PRIM2: variants seen among roughly 807,000 people sequenced by gnomAD.
PRIM2 encodes DNA primase subunit 2.
PRIM2 carries 39 observed loss-of-function variants against 67.3 expected under a neutral mutation model. The observed-to-expected ratio is 0.58, with a 90% CI of 0.45 to 0.76. The LOEUF (loss-of-function observed/expected upper bound fraction) is 0.76, where lower values mean the gene tolerates loss of function less well. Among genes scored for constraint, PRIM2 ranks in the 30% least tolerant of loss-of-function variants. The pLI is 0.00. For missense variants in PRIM2, 398 were observed against 598.7 expected, an observed-to-expected ratio of 0.66 and a Z score of 3.50; for synonymous variants, 143 against 198.7, an observed-to-expected ratio of 0.72 and a Z score of 2.36.
intron 10 of PRIM2, among the ~76,000 whole-genome samples, chr6:57,541,144 T>C (rs1383010000): frequency 6.6e-6 from 1 of 152,238 alleles, no homozygotes. Context: ...CCAGCTAAGG[T>C]TGAGTGCCAT....
the PRIM2 span, among the ~76,000 whole-genome samples, chr6:57,274,092 G>A: frequency 6.6e-6 from 1 of 152,250 alleles, no homozygotes; most frequent in Non-Finnish European, 1.5e-5. Context: ...ACTTGAGGAG[G>A]CAGTCTGCCC....
intron 5 of PRIM2, among the ~76,000 whole-genome samples, chr6:57,331,595 GT>G (rs1350445873): frequency 1.3e-5 from 2 of 152,050 alleles, no homozygotes; most frequent in African/African-American, 4.8e-5. Context: ...ATCTATTTAA[GT>G]TTTATATTAC....
the PRIM2 span, chr6:57,221,895 G>A: frequency 6.6e-6 from 1 of 152,486 alleles, no homozygotes; most frequent in Admixed American, 6.5e-5. Flanking sequence ...CCACTCCGGA[G>A]AGTAAGGCAC....
intron 7 of PRIM2, among the ~76,000 whole-genome samples, chr6:57,398,728 T>C (rs1462821469): frequency 6.6e-6 from 1 of 152,210 alleles, no homozygotes; most frequent in Non-Finnish European, 1.5e-5. Flanking sequence ...ATGATTTGTC[T>C]AATACTGTTG....
intron 12 of PRIM2, among the ~76,000 whole-genome samples, chr6:57,610,251 A>G (rs1166345144): frequency 2.6e-5 from 4 of 152,046 alleles, no homozygotes; most frequent in African/African-American, 7.3e-5. Flanking sequence ...GTATTTTTGT[A>G]GAGATGGGGT....
chr6:57,418,202 G>A (rs5005223), intron 7 of PRIM2, among the ~76,000 whole-genome samples: 15 of 151,976 alleles, frequency 9.9e-5, no homozygotes, highest in Non-Finnish European at 1.6e-4. Flanking sequence ...GGAGAAAATA[G>A]GCAGAGGACC....
At chr6:57,430,457 T>G (rs1256952050) in intron 7 of PRIM2, among the ~76,000 whole-genome samples, 1 of 116,078 alleles carries the variant, frequency 8.6e-6, no homozygotes. Context: ...GTTTTTTTTT[T>G]TTTTTTTTTT....
At chr6:57,394,764 C>A (rs530674004) in intron 7 of PRIM2, among the ~76,000 whole-genome samples, 13 of 152,256 alleles carry the variant, frequency 8.5e-5, no homozygotes, top group Admixed American at 7.8e-4. Context: ...ATGCTTTCAA[C>A]TTTACCCCAT....
intron 5 of PRIM2, among the ~76,000 whole-genome samples, chr6:57,362,661 G>C (rs1328472359): frequency 1.3e-5 from 2 of 151,930 alleles, no homozygotes; most frequent in African/African-American, 4.8e-5. Flanking sequence ...TGTAAAAATG[G>C]GAAAGGGAAA....
chr6:57,276,772 G>A, the PRIM2 span, among the ~76,000 whole-genome samples: 1 of 151,832 alleles, frequency 6.6e-6, no homozygotes, highest in Non-Finnish European at 1.5e-5. Context: ...GGTGGTGCAT[G>A]CATGTATTTG....
chr6:57,474,992 A>G (rs1773441132), intron 7 of PRIM2, among the ~76,000 whole-genome samples: 1 of 152,164 alleles, frequency 6.6e-6, no homozygotes, highest in Admixed American at 6.5e-5. Flanking sequence ...AGCATTAGGC[A>G]ATCGGCTGCT....
At chr6:57,430,659 C>G (rs1444178408) in intron 7 of PRIM2, among the ~76,000 whole-genome samples, 5 of 151,904 alleles carry the variant, frequency 3.3e-5, no homozygotes, top group Non-Finnish European at 7.4e-5. Context: ...TGAGGTTTCA[C>G]TATGTTGGCC....
chr6:57,356,461 A>G (rs1769035620), intron 5 of PRIM2, among the ~76,000 whole-genome samples: 1 of 152,206 alleles, frequency 6.6e-6, no homozygotes, highest in Admixed American at 6.5e-5. Context: ...TCATCCCCCA[A>G]TACCCACTTG....
the PRIM2 span, among the ~76,000 whole-genome samples, chr6:57,309,638 G>T: frequency 3.5e-4 from 53 of 152,216 alleles, no homozygotes; most frequent in African/African-American, 1.2e-3. Context: ...GTGTGCATGT[G>T]TCTTTACAGC....
the PRIM2 span, among the ~76,000 whole-genome samples, chr6:57,226,800 G>A: frequency 6.6e-6 from 1 of 152,202 alleles, no homozygotes; most frequent in Non-Finnish European, 1.5e-5. Flanking sequence ...TTTAATCTTG[G>A]AAGTAGAACC....
intron 7 of PRIM2, among the ~76,000 whole-genome samples, chr6:57,403,776 T>C (rs1770794175): frequency 6.6e-6 from 1 of 152,158 alleles, no homozygotes; most frequent in African/African-American, 2.4e-5. Context: ...GTGTAGTAAT[T>C]ATTTGTGTGC....
intron 12 of PRIM2, among the ~76,000 whole-genome samples, chr6:57,623,646 A>G (rs1375229848): frequency 1.3e-5 from 2 of 152,112 alleles, no homozygotes; most frequent in African/African-American, 2.4e-5. Context: ...ACTTAGTTCT[A>G]TTTCTTGATC....
intron 7 of PRIM2, among the ~76,000 whole-genome samples, chr6:57,397,896 A>ATTTTT (rs35064816): frequency 3.4e-5 from 4 of 118,794 alleles, no homozygotes; most frequent in African/African-American, 1.3e-4. Context: ...GATCTTTCTA[A>ATTTTT]TTTTTTTTTT....
chr6:57,276,466 T>C, the PRIM2 span, among the ~76,000 whole-genome samples: 1 of 150,938 alleles, frequency 6.6e-6, no homozygotes, highest in Non-Finnish European at 1.5e-5. Flanking sequence ...TATATATACA[T>C]GCATACATAT....
Sources: gnomAD v4.1 joint callset for allele counts (sites outside exome capture counted in the v4.1 genomes callset) on GRCh38, gnomAD v4.1.1 for gene constraint, MANE v1.5 for transcripts, NCBI Gene and HGNC (gene_info 2026-07-23, HGNC 2026-07-21) for gene names.